SLC39A11: variants seen among roughly 807,000 people sequenced by gnomAD.
SLC39A11 encodes zinc transporter ZIP11.
A neutral mutation model predicts 36.1 loss-of-function variants in SLC39A11; 33 were observed. The observed-to-expected ratio is 0.91, with a 90% CI of 0.69 to 1.22. SLC39A11 has a LOEUF of 1.22. Among genes scored for constraint, SLC39A11 ranks in the 50% most tolerant of loss-of-function variants. SLC39A11 has a pLI of 0.00. For missense variants in SLC39A11, 432 were observed against 430.3 expected (o/e 1.00, Z -0.03); for synonymous variants, 166 against 170.3 (o/e 0.97, Z 0.20).
rs530366579 is a variant in SLC39A11 at position 72,744,992 on chromosome 17, C to T, written c.602-8273G>A. Among the ~76,000 whole-genome samples, 11 of 152,290 alleles carry T rather than the reference C, an allele frequency of 7.2e-5. No homozygotes were observed. In the South Asian group the frequency reaches 2.3e-3, roughly 32 times the overall value. ...GAGTAGCTGGGATTACAGGTGCGCA[C>T]CACCAGGCCTGGCTAATTTTTGTAT... On this transcript the variant is annotated intron_variant, in intron 6 of 9. Coordinates refer to ENST00000255559, the MANE Select transcript of SLC39A11 (RefSeq NM_139177.4).
chr17:73,084,057 A>G (rs2060634786), intron 3 of SLC39A11, among the ~76,000 whole-genome samples: 1 of 152,226 alleles, frequency 6.6e-6, no homozygotes. Flanking sequence ...AACTGAGATT[A>G]GCAAAATGTC....
Position 72,894,231 on chromosome 17 carries a change from G to A in SLC39A11, c.431-44427C>T, listed in dbSNP as rs562292709. Reference sequence around the variant, plus strand: ...ACAAAAATTAGCTGTGCGTGGTGGCGCATGCCTGTAATCCCAGCTACTCTG... The same window carrying A: ...ACAAAAATTAGCTGTGCGTGGTGGCACATGCCTGTAATCCCAGCTACTCTG... On this transcript the variant is annotated intron_variant, in intron 5 of 9. Transcript: ENST00000255559. Among the ~76,000 whole-genome samples, 6 of 135,138 alleles carry A rather than the reference G, an allele frequency of 4.4e-5. 1 individual carries two copies. The highest frequency in any genetic ancestry group is 3.9e-4 in the East Asian group (2 of 5,074). The allele number at this position is 135,138 out of a possible 152,430, so 88.7% of individuals were successfully genotyped here.
chr17:72,926,285 C>T (rs1268267361), intron 5 of SLC39A11, among the ~76,000 whole-genome samples: 1 of 152,218 alleles, frequency 6.6e-6, no homozygotes, highest in Non-Finnish European at 1.5e-5. Flanking sequence ...TTGTTCTCAT[C>T]TCTCTTCTCA....
chr17:72,790,521 T>TTC (rs111306907), intron 6 of SLC39A11, among the ~76,000 whole-genome samples: 2,521 of 151,250 alleles, frequency 0.017, 63 homozygotes, highest in African/African-American at 0.055. Context: ...AACAATGAAT[T>TTC]TCTCTCTCTC....
chr17:72,987,399 G>A (rs2056601684), intron 4 of SLC39A11, among the ~76,000 whole-genome samples: 1 of 152,200 alleles, frequency 6.6e-6, no homozygotes, highest in African/African-American at 2.4e-5. Flanking sequence ...ATCACCAAAT[G>A]TACTTGTGTA....
intron 5 of SLC39A11, among the ~76,000 whole-genome samples, chr17:72,934,254 T>C (rs2084608208): frequency 6.6e-6 from 1 of 151,966 alleles, no homozygotes. Context: ...TCATCAAGAT[T>C]AAAAACTTTC....
chr17:72,849,747 G>A lies in SLC39A11; in HGVS notation c.488C>T (p.Pro163Leu). 6.2e-7 allele frequency: 1 copy of A among 1,608,390 alleles called. No individual in the cohort carries two copies. Among genetic ancestry groups the A allele is most frequent in the South Asian group, 1.1e-5 (1 of 90,314 alleles). Residue 163 changes from proline to leucine, a missense_variant, in exon 6 of 10, where the codon CCA becomes CTA. Transcript: ENST00000255559. Reference protein sequence around the residue: ...QRKKAAATGLPEGPAVPVPSR... With the variant: ...QRKKAAATGLLEGPAVPVPSR... ...AGGCACAGGGACAGCAGGACCCTCT[G>A]GAAGGCCAGTGGCTGCCGCCTTCTT...
chr17:72,995,172 CCCTTGTCATGG>C (rs149669346), intron 4 of SLC39A11, among the ~76,000 whole-genome samples: 3,697 of 152,302 alleles, frequency 0.024, 70 homozygotes, highest in Non-Finnish European at 0.036. Flanking sequence ...TGCAACCATG[CCCTTGTCATGG>C]CCTTATCATG....
At chr17:72,872,857 C>T (rs927856298) in intron 5 of SLC39A11, among the ~76,000 whole-genome samples, 21 of 152,000 alleles carry the variant, frequency 1.4e-4, no homozygotes, top group Admixed American at 5.2e-4. Context: ...GAGATCGAGA[C>T]CACCCTGGCT....
intron 5 of SLC39A11, among the ~76,000 whole-genome samples, chr17:72,912,809 C>A (rs529137939): frequency 6.6e-6 from 1 of 152,128 alleles, no homozygotes; most frequent in Non-Finnish European, 1.5e-5. Context: ...TGATCTTACA[C>A]CCCAGCCCTA....
At chr17:72,777,521 A>C (rs941233708) in intron 6 of SLC39A11, among the ~76,000 whole-genome samples, 1 of 152,198 alleles carries the variant, frequency 6.6e-6, no homozygotes, top group Non-Finnish European at 1.5e-5. Flanking sequence ...ACCCAGAGAC[A>C]TACAGATACA....
intron 5 of SLC39A11, among the ~76,000 whole-genome samples, chr17:72,890,645 G>C (rs1345618251): frequency 6.6e-6 from 1 of 152,186 alleles, no homozygotes; most frequent in East Asian, 1.9e-4. Flanking sequence ...GGACAGATAA[G>C]TAAGCTATCT....
At chr17:73,060,679 A>T (rs931341410) in intron 3 of SLC39A11, among the ~76,000 whole-genome samples, 11 of 152,208 alleles carry the variant, frequency 7.2e-5, no homozygotes, top group African/African-American at 2.7e-4. Flanking sequence ...AGGCTTATTT[A>T]GTATACTAAA....
intron 6 of SLC39A11, among the ~76,000 whole-genome samples, chr17:72,742,830 TCTG>T (rs1471571077): frequency 9.2e-5 from 14 of 152,216 alleles, no homozygotes; most frequent in African/African-American, 3.1e-4. Context: ...TCCTACAGGT[TCTG>T]CTGATTCTCC....
chr17:73,026,231 G>GAAGAGAAGAGAAGAGAA (rs1568146537), intron 4 of SLC39A11, among the ~76,000 whole-genome samples: 2 of 151,452 alleles, frequency 1.3e-5, no homozygotes, highest in South Asian at 4.2e-4. Flanking sequence ...GAAGAGAAGA[G>GAAGAGAAGAGAAGAGAA]AAAAGGGAAA....
intron 6 of SLC39A11, among the ~76,000 whole-genome samples, chr17:72,797,286 T>A (rs772969145): frequency 6.6e-6 from 1 of 152,208 alleles, no homozygotes; most frequent in Non-Finnish European, 1.5e-5. Flanking sequence ...AACCCATCTA[T>A]TCTACTGCTG....
intron 4 of SLC39A11, among the ~76,000 whole-genome samples, chr17:72,969,531 A>G (rs1281882861): frequency 6.6e-6 from 1 of 152,126 alleles, no homozygotes; most frequent in Admixed American, 6.6e-5. Flanking sequence ...ACAATATGGC[A>G]TTCACGTTCC....
rs751307569 is a variant in SLC39A11, at chr17:72,947,774, C to T, written c.408G>A (p.Glu136=). The change falls in exon 5 of 10, where the codon GAG becomes GAA. Residue 136 remains glutamate, a synonymous_variant. Coordinates refer to ENST00000255559, the MANE Select transcript of SLC39A11 (RefSeq NM_139177.4). The part of the protein sequence containing the change: ...DPEGPALLFP[E]SELSIRIDKS... ...TACCTATCCGGATGGAAAGTTCACTCTCAGGGAAGAGCAGCGCGGGACCCT... is the reference window on the plus strand; with the variant it reads ...TACCTATCCGGATGGAAAGTTCACTTTCAGGGAAGAGCAGCGCGGGACCCT... The T allele has an allele frequency of 6.2e-7, 1 of 1,614,106 alleles. No individual in the cohort carries two copies. Among genetic ancestry groups the T allele is most frequent in the East Asian group, 2.2e-5 (1 of 44,882 alleles).
chr17:72,769,005 C>A lies in SLC39A11; in HGVS notation c.602-32286G>T, dbSNP rs142609821. 8.9e-3 allele frequency among the ~76,000 whole-genome samples: 1,361 copies of A among 152,252 alleles called. 15 individuals are homozygous for A. The highest frequency in any genetic ancestry group is 0.044 in the South Asian group (213 of 4,810). On this transcript the variant is annotated intron_variant, in intron 6 of 9. Transcript: ENST00000255559. ...TCAATCTCCTGACCTCATGATCCAC[C>A]CACTTCGGCCTCCCAAAGTGCTAGG...
Sources: allele counts gnomAD v4.1 joint callset (sites outside exome capture counted in the v4.1 genomes callset), GRCh38; gene constraint gnomAD v4.1.1; transcripts MANE v1.5; gene names NCBI Gene and HGNC (gene_info 2026-07-23, HGNC 2026-07-21).